ADGRB1: variants seen among roughly 807,000 people sequenced by gnomAD.
The protein encoded by ADGRB1 is brain-specific angiogenesis inhibitor 1.
A neutral mutation model predicts 175.7 loss-of-function variants in ADGRB1; 36 were observed. The observed-to-expected ratio is 0.20, with a 90% CI of 0.16 to 0.27. The LOEUF (loss-of-function observed/expected upper bound fraction) is 0.27. Among genes scored for constraint, ADGRB1 ranks in the 10% least tolerant of loss-of-function variants. ADGRB1 has a pLI of 1.00. For synonymous variants in ADGRB1, 1,054 were observed against 979.4 expected, an observed-to-expected ratio of 1.08 and a Z score of -1.42; for missense variants, 1,731 against 2,255.3, an observed-to-expected ratio of 0.77 and a Z score of 4.71.
chr8:142,484,549 T>G, intron 12 of ADGRB1, 107 bp from the exon 13 acceptor site: 3 of 1,179,606 alleles, frequency 2.5e-6, no homozygotes, highest in Non-Finnish European at 3.5e-6. Context: ...TTCCTCAAAA[T>G]GTTAGGAAAT....
At chr8:142,536,261 A>C (rs117591623) in intron 25 of ADGRB1, among the ~76,000 whole-genome samples, 1 of 151,584 alleles carries the variant, frequency 6.6e-6, no homozygotes, top group East Asian at 2.0e-4. Flanking sequence ...CCGCAGTGTC[A>C]GTGTGCTGCC....
intron 1 of ADGRB1, among the ~76,000 whole-genome samples, chr8:142,460,424 G>A (rs1025916627): frequency 3.3e-5 from 5 of 152,212 alleles, no homozygotes; most frequent in African/African-American, 4.8e-5. Context: ...CAGCTGGGCC[G>A]GCCTTCCGGC....
intron 17 of ADGRB1, among the ~76,000 whole-genome samples, chr8:142,508,212 C>T (rs962404744): frequency 1.1e-4 from 16 of 152,184 alleles, no homozygotes; most frequent in Admixed American, 8.5e-4. Flanking sequence ...GTTACCTGAG[C>T]CTCCCTTGCT....
intron 2 of ADGRB1, among the ~76,000 whole-genome samples, chr8:142,471,229 G>A (rs888626387): frequency 6.6e-6 from 1 of 152,244 alleles, no homozygotes; most frequent in African/African-American, 2.4e-5. Flanking sequence ...GGGGCCCCAT[G>A]GGAATGATAT....
At chr8:142,479,291 G>T (rs376978424) in intron 7 of ADGRB1, 32 bp from the exon 8 acceptor site, 2 of 1,453,750 alleles carry the variant, frequency 1.4e-6, no homozygotes. Context: ...CCTTCTTGTC[G>T]CCTGTGCCCT....
intron 1 of ADGRB1, among the ~76,000 whole-genome samples, chr8:142,451,549 C>T (rs1226498897): frequency 6.6e-6 from 1 of 152,068 alleles, no homozygotes; most frequent in Non-Finnish European, 1.5e-5. Context: ...TGCACTCCCG[C>T]CCCAGAGGAG....
Position 142,543,407 on chromosome 8 carries a change from G to C in ADGRB1, c.4418G>C (p.Arg1473Pro), listed in dbSNP as rs780374577. 1.2e-6 allele frequency: 2 copies of C among 1,613,670 alleles called. No individual in the cohort carries two copies. Among genetic ancestry groups the C allele is most frequent in the Non-Finnish European group, 1.7e-6 (2 of 1,179,812 alleles). The change falls in exon 29 of 31, where the codon CGG (arginine) becomes CCG (proline). Residue 1473 changes from arginine to proline, a missense_variant. By Grantham distance (103) the Arg-to-Pro change is moderately radical. Coordinates refer to ENST00000517894, the MANE Select transcript of ADGRB1 (RefSeq NM_001702.3). The surrounding 1 kb of genome is among the most constrained non-coding windows in gnomAD (Gnocchi z 4.4). Reference protein sequence around the residue: ...ATLSVSSLERRKSRYAELDFE... With the variant: ...ATLSVSSLERPKSRYAELDFE... The stretch of plus-strand genomic sequence containing the variant: ...GCAAACCCCTTCTCCCTGCAGCGGC[G>C]GAAGTCGCGGTATGCAGAACTGGAC...
At chr8:142,513,510 C>T (rs1168251202) in intron 18 of ADGRB1, among the ~76,000 whole-genome samples, 1 of 152,110 alleles carries the variant, frequency 6.6e-6, no homozygotes, top group Non-Finnish European at 1.5e-5. Flanking sequence ...CTGGGTGCAG[C>T]CTGCCCCTGG....
chr8:142,489,138 G>A lies in ADGRB1; in HGVS notation c.2528+28G>A, dbSNP rs192752948. On this transcript the variant is annotated intron_variant, in intron 15 of 30. Transcript: ENST00000517894. ...GGGGAGCCCTGGGCAGGTGGGGTGGGCAGTGCAGGGCAGGTGGGGTGGGCA... is the reference window on the plus strand; with the variant it reads ...GGGGAGCCCTGGGCAGGTGGGGTGGACAGTGCAGGGCAGGTGGGGTGGGCA... 4.1e-4 allele frequency: 648 copies of A among 1,580,764 alleles called. 2 individuals carry two copies. In the East Asian group the frequency reaches 0.014, roughly 35 times the overall value.
rs1014589561 is a variant in ADGRB1, at chr8:142,490,889, G to C, written c.2675+74G>C. On this transcript the variant is annotated intron_variant, in intron 17 of 30. Coordinates refer to ENST00000517894, the MANE Select transcript of ADGRB1 (RefSeq NM_001702.3). ...TGGGAGGCTGGCCCAGTAGGGGAGG[G>C]GTGCAGGTTTCAGGTCTTGTCCACT... The C allele has an allele frequency of 2.6e-6, 4 of 1,520,254 alleles. No individual in the cohort carries two copies. In the Admixed American group the frequency reaches 7.9e-5, roughly 30 times the overall value. 94.2% of individuals were successfully genotyped at this position (1,520,254 alleles called of 1,614,324 possible). A position where few individuals can be genotyped will look rare whatever the true frequency, so the allele number is the denominator to read the frequency against.
chr8:142,499,260 G>A (rs1034020164), intron 17 of ADGRB1, among the ~76,000 whole-genome samples: 1 of 152,220 alleles, frequency 6.6e-6, no homozygotes, highest in African/African-American at 2.4e-5. Context: ...GGGTGGTTAT[G>A]GGTGACTTCC....
At chr8:142,482,548 TCC>T in intron 11 of ADGRB1, among the ~76,000 whole-genome samples, 1 of 121,848 alleles carries the variant, frequency 8.2e-6, no homozygotes, top group African/African-American at 3.2e-5. Flanking sequence ...TGAGCCCTGA[TCC>T]TGGTCATGCT....
rs548388389 is a variant in ADGRB1 at position 142,474,894 on chromosome 8, C to T, written c.785-580C>T. ...GCTCCGTCAGGCTGTGCCCTGGGTT[C>T]GAGGCCCTGGTTGGACACCAGGTGT... On this transcript the variant is annotated intron_variant, in intron 2 of 30. Transcript: ENST00000517894. This position sits in a 1 kb window ranked among gnomAD's most constrained non-coding sequence, Gnocchi z 5.8. Among the ~76,000 whole-genome samples, 21 of 152,236 alleles carry T rather than the reference C, an allele frequency of 1.4e-4. No individual in the cohort carries two copies. Among genetic ancestry groups the T allele is most frequent in the Non-Finnish European group, 3.1e-4 (21 of 68,006 alleles).
intron 2 of ADGRB1, among the ~76,000 whole-genome samples, chr8:142,466,330 A>G (rs1587262267): frequency 6.6e-6 from 1 of 152,238 alleles, no homozygotes; most frequent in Admixed American, 6.5e-5. Context: ...TAGGCTACGC[A>G]GGGCTACAGA....
chr8:142,507,889 G>A (rs1045676395), intron 17 of ADGRB1, among the ~76,000 whole-genome samples: 6 of 152,060 alleles, frequency 3.9e-5, no homozygotes, highest in Non-Finnish European at 8.8e-5. Flanking sequence ...GGCCTGTACT[G>A]TGCTGGCCAT....
Position 142,526,626 on chromosome 8 carries a change from G to A in ADGRB1, c.3397G>A (p.Gly1133Arg). 2 of 1,610,350 alleles carry A rather than the reference G, an allele frequency of 1.2e-6. No individual in the cohort carries two copies. Among genetic ancestry groups the A allele is most frequent in the Non-Finnish European group, 1.7e-6 (2 of 1,178,660 alleles). Residue 1133 changes from glycine to arginine, a missense_variant and splice_region_variant, in exon 24 of 31, where the codon GGG becomes AGG. This residue lies in a region of ADGRB1 where 301 missense variants were observed against 488.4 expected (regional missense o/e 0.62). Transcript: ENST00000517894. ...GGACAAGAAGCTGAAGGAGCGGGCA[G>A]GGTAGGACCGGGGCTACGCGGCTCC... ...ITDKKLKERA[G>R]ASLWSSCVVL...
At position 142,542,002 on chromosome 8, in the gene ADGRB1, G is replaced by A. The variant is rs370130378; in HGVS notation, c.3768G>A (p.Pro1256=). Residue 1256 remains proline, a synonymous_variant, in exon 28 of 31, where the codon CCG becomes CCA. Coordinates refer to ENST00000517894, the MANE Select transcript of ADGRB1 (RefSeq NM_001702.3). The surrounding 1 kb of genome is among the most constrained non-coding windows in gnomAD (Gnocchi z 6.3). ...CCATCACGGGCACACTGAAGCGGCCGTCTCTGCCCGAGGAGGAGAAGCTGA... is the reference window on the plus strand; with the variant it reads ...CCATCACGGGCACACTGAAGCGGCCATCTCTGCCCGAGGAGGAGAAGCTGA... ...TATITGTLKR[P]SLPEEEKLKL... 14 of 1,595,990 alleles carry A rather than the reference G, an allele frequency of 8.8e-6. No homozygotes were observed. Among genetic ancestry groups the A allele is most frequent in the African/African-American group, 6.7e-5 (5 of 74,396 alleles).
chr8:142,524,160 T>C lies in ADGRB1; in HGVS notation c.3246-78T>C, dbSNP rs1844032983. 2.7e-6 allele frequency: 4 copies of C among 1,481,188 alleles called. No homozygotes were observed. In the South Asian group the frequency reaches 4.8e-5, roughly 18 times the overall value. 91.8% of individuals were successfully genotyped at this position (1,481,188 alleles called of 1,614,324 possible). On this transcript the variant is annotated intron_variant, in intron 22 of 30. Coordinates refer to ENST00000517894, the MANE Select transcript of ADGRB1 (RefSeq NM_001702.3). ...CTTCTGCCACTTCCCAGCTCACCCC[T>C]ACTCCTGAGAGGCCGGCAGCACCTC...
intron 17 of ADGRB1, among the ~76,000 whole-genome samples, chr8:142,507,115 T>C (rs971430574): frequency 1.3e-5 from 2 of 152,168 alleles, no homozygotes; most frequent in African/African-American, 4.8e-5. Flanking sequence ...GTTTCTTTAT[T>C]TACAAAGCTG....
Sources: allele counts gnomAD v4.1 joint callset (sites outside exome capture counted in the v4.1 genomes callset), GRCh38; gene constraint gnomAD v4.1.1; regional missense constraint gnomAD v4.1.1; non-coding constraint Gnocchi (gnomAD v3.1); transcripts MANE v1.5; gene names NCBI Gene and HGNC (gene_info 2026-07-23, HGNC 2026-07-21).